ATF3: variants seen among roughly 807,000 people sequenced by gnomAD.
The protein encoded by ATF3 is cyclic AMP-dependent transcription factor ATF-3.
Under a neutral mutation model 18.4 loss-of-function variants are expected in ATF3, and 10 were observed. That is an observed-to-expected ratio of 0.54 (90% CI 0.34 to 0.92). The LOEUF (loss-of-function observed/expected upper bound fraction) is 0.92, where lower values mean the gene tolerates loss of function less well. ATF3 is among the 40% of genes least tolerant of loss of function. The probability of loss-of-function intolerance (pLI) is 0.02; values close to 1 mark genes in which losing one functional copy is unlikely to be tolerated. For missense variants in ATF3, 183 were observed against 222.3 expected (o/e 0.82, Z 1.12); for synonymous variants, 78 against 87.9 (o/e 0.89, Z 0.63).
intron 1 of ATF3, among the ~76,000 whole-genome samples, chr1:212,578,333 C>T (rs930019585): frequency 1.3e-5 from 2 of 152,140 alleles, no homozygotes; most frequent in Non-Finnish European, 2.9e-5. Flanking sequence ...TAATTTTTAT[C>T]CCTTTGTAGA....
intron 1 of ATF3, among the ~76,000 whole-genome samples, chr1:212,575,489 C>G (rs1664562046): frequency 1.3e-5 from 2 of 152,070 alleles, no homozygotes; most frequent in African/African-American, 4.8e-5. Flanking sequence ...ACGAAAACAG[C>G]CTCTAATCTT....
chr1:212,566,729 G>A (rs551091362), intron 1 of ATF3, among the ~76,000 whole-genome samples: 42 of 152,296 alleles, frequency 2.8e-4, no homozygotes, highest in Non-Finnish European at 4.1e-4. Context: ...GTGTCTGAGG[G>A]GGTCATGCTG....
rs2102666576 is a variant in ATF3, at chr1:212,619,050, C to T, written c.349-308C>T. ...TAAGTCTGGATTTCTCCCCAGCTCC[C>T]AAGGCCCTTTTGGGTCCAGAAGACC... is the stretch of plus-strand genomic sequence containing the variant. On this transcript the variant is annotated intron_variant, in intron 3 of 3. Coordinates refer to ENST00000341491, the MANE Select transcript of ATF3 (RefSeq NM_001674.4). The surrounding 1 kb of genome is among the most constrained non-coding windows in gnomAD (Gnocchi z 4.4). The T allele has an allele frequency of 6.2e-7, 1 of 1,614,206 alleles. No individual in the cohort carries two copies. Among genetic ancestry groups the T allele is most frequent in the Non-Finnish European group, 8.5e-7 (1 of 1,180,036 alleles).
rs1051948035 is a variant in ATF3 at position 212,619,174 on chromosome 1, C to G, written c.349-184C>G. 1.9e-6 allele frequency: 3 copies of G among 1,613,140 alleles called. No individual in the cohort carries two copies. In the African/African-American group the frequency reaches 4.0e-5, roughly 22 times the overall value. Reference sequence around the variant, plus strand: ...CCTCTGTGGCATCACCAGGGTTTCTCTGAAGAAGAGGGTCTGCATTTTCCT... The same window carrying G: ...CCTCTGTGGCATCACCAGGGTTTCTGTGAAGAAGAGGGTCTGCATTTTCCT... On this transcript the variant is annotated intron_variant, in intron 3 of 3. Coordinates refer to ENST00000341491, the MANE Select transcript of ATF3 (RefSeq NM_001674.4). The surrounding 1 kb of genome is among the most constrained non-coding windows in gnomAD (Gnocchi z 4.4).
intron 1 of ATF3, among the ~76,000 whole-genome samples, chr1:212,596,535 T>C (rs1664998100): frequency 6.6e-6 from 1 of 152,250 alleles, no homozygotes; most frequent in African/African-American, 2.4e-5. Flanking sequence ...AACATTCGTT[T>C]CATTTTCACT....
chr1:212,612,139 G>C (rs1337481443), intron 1 of ATF3, among the ~76,000 whole-genome samples: 1 of 152,142 alleles, frequency 6.6e-6, no homozygotes, highest in East Asian at 1.9e-4. Context: ...AATCTCGACA[G>C]ATACATCTGT....
chr1:212,589,825 A>G (rs1664848661), intron 1 of ATF3, among the ~76,000 whole-genome samples: 1 of 150,932 alleles, frequency 6.6e-6, no homozygotes, highest in Non-Finnish European at 1.5e-5. Flanking sequence ...TTTTTAAGGA[A>G]AAAACAAAAC....
chr1:212,568,721 GCCGATTCT>G (rs1054659958), intron 1 of ATF3, among the ~76,000 whole-genome samples: 1 of 152,084 alleles, frequency 6.6e-6, no homozygotes, highest in African/African-American at 2.4e-5. Context: ...TCTGTCCTAG[GCCGATTCT>G]CCGATGGGGG....
chr1:212,578,344 T>C (rs765183776), intron 1 of ATF3, among the ~76,000 whole-genome samples: 1 of 152,250 alleles, frequency 6.6e-6, no homozygotes, highest in Non-Finnish European at 1.5e-5. Context: ...CCTTTGTAGA[T>C]AAATTCATTT....
Position 212,615,100 on chromosome 1 carries a change from G to C in ATF3, c.79G>C (p.Gly27Arg). 6.2e-7 allele frequency: 1 copy of C among 1,614,172 alleles called. No homozygotes were observed. Among genetic ancestry groups the C allele is most frequent in the Middle Eastern group, 1.6e-4 (1 of 6,062 alleles). The change falls in exon 2 of 4, where the codon GGG becomes CGG. Residue 27 changes from glycine to arginine, a missense_variant. Physicochemically the swap from Gly to Arg is moderately radical, Grantham distance 125. Coordinates refer to ENST00000341491, the MANE Select transcript of ATF3 (RefSeq NM_001674.4). ...CATCGTCCCCTGCCTGTCCCCTCCTGGGTCACTGGTGTTTGAGGATTTTGC... is the reference window on the plus strand; with the variant it reads ...CATCGTCCCCTGCCTGTCCCCTCCTCGGTCACTGGTGTTTGAGGATTTTGC... ...SAIVPCLSPP[G>R]SLVFEDFANL...
intron 1 of ATF3, among the ~76,000 whole-genome samples, chr1:212,610,110 T>C (rs1029255219): frequency 6.6e-6 from 1 of 152,230 alleles, no homozygotes; most frequent in Non-Finnish European, 1.5e-5. Context: ...ACCAGCTTTC[T>C]TTCCACTGGA....
rs1273426064 is a variant in ATF3, at chr1:212,619,993, G to T, written c.*438G>T. 4.3e-6 allele frequency: 1 copy of T among 230,402 alleles called. No individual in the cohort carries two copies. The highest frequency in any genetic ancestry group is 2.3e-5 in the African/African-American group (1 of 44,376). The allele number at this position is 230,402 out of a possible 1,614,324, so 14.3% of individuals were successfully genotyped here. On this transcript the variant is annotated 3_prime_UTR_variant, in exon 4 of 4. Coordinates refer to ENST00000341491, the MANE Select transcript of ATF3 (RefSeq NM_001674.4). This position sits in a 1 kb window ranked among gnomAD's most constrained non-coding sequence, Gnocchi z 4.4. Reference sequence around the variant, plus strand: ...ATGTGGAGTGAGAACAGCATTTAGTGAAGTTGTGCAACGGCCAGGGTTGTG... The same window carrying T: ...ATGTGGAGTGAGAACAGCATTTAGTTAAGTTGTGCAACGGCCAGGGTTGTG...
intron 1 of ATF3, among the ~76,000 whole-genome samples, chr1:212,612,383 A>T (rs1465907958): frequency 6.6e-6 from 1 of 152,182 alleles, no homozygotes; most frequent in African/African-American, 2.4e-5. Context: ...ACTACACTCT[A>T]CTGCAGTGGA....
intron 1 of ATF3, among the ~76,000 whole-genome samples, chr1:212,573,024 T>C (rs1309816469): frequency 6.6e-6 from 1 of 152,158 alleles, no homozygotes; most frequent in East Asian, 1.9e-4. Context: ...AGTTGAATTG[T>C]TCTTTTGAAT....
intron 1 of ATF3, among the ~76,000 whole-genome samples, chr1:212,569,367 T>A (rs1418749782): frequency 6.6e-6 from 1 of 152,218 alleles, no homozygotes; most frequent in Non-Finnish European, 1.5e-5. Flanking sequence ...GTGGCAATAC[T>A]TTTTCCCCAA....
chr1:212,615,500 T>G (rs1360048816), intron 2 of ATF3, among the ~76,000 whole-genome samples: 1 of 151,714 alleles, frequency 6.6e-6, no homozygotes, highest in Non-Finnish European at 1.5e-5. Context: ...CGGGTAGGGA[T>G]GGGGTTGCTG....
intron 1 of ATF3, among the ~76,000 whole-genome samples, chr1:212,584,759 A>T (rs1381865140): frequency 6.6e-6 from 1 of 152,212 alleles, no homozygotes; most frequent in Admixed American, 6.5e-5. Context: ...TGGAGTTAAA[A>T]TTCTTTATAA....
At chr1:212,567,952 A>C (rs182988543) in intron 1 of ATF3, among the ~76,000 whole-genome samples, 8 of 152,280 alleles carry the variant, frequency 5.3e-5, no homozygotes, top group Admixed American at 1.3e-4. Context: ...TCCTCATCTC[A>C]TAATGAGAAT....
In ATF3 at chr1:212,619,818, G is replaced by T. The variant is rs1010716854; in HGVS notation, c.*263G>T. On this transcript the variant is annotated 3_prime_UTR_variant, in exon 4 of 4. Coordinates refer to ENST00000341491, the MANE Select transcript of ATF3 (RefSeq NM_001674.4). This position sits in a 1 kb window ranked among gnomAD's most constrained non-coding sequence, Gnocchi z 4.4. Reference sequence around the variant, plus strand: ...ACTGGCCATTCTTATGTTCCAGATGGCCCCCAGCTGGTGTCCTGCCCGCCT... The same window carrying T: ...ACTGGCCATTCTTATGTTCCAGATGTCCCCCAGCTGGTGTCCTGCCCGCCT... 1.0e-5 allele frequency: 4 copies of T among 381,478 alleles called. No homozygotes were observed. Among genetic ancestry groups the T allele is most frequent in the Non-Finnish European group, 2.0e-5 (4 of 201,752 alleles). The allele number at this position is 381,478 out of a possible 1,614,324, so 23.6% of individuals were successfully genotyped here.
Sources: gnomAD v4.1 joint callset for allele counts (sites outside exome capture counted in the v4.1 genomes callset) on GRCh38, gnomAD v4.1.1 for gene constraint, Gnocchi (gnomAD v3.1) non-coding constraint, MANE v1.5 for transcripts, NCBI Gene and HGNC (gene_info 2026-07-23, HGNC 2026-07-21) for gene names.